ROBO2: variants seen among roughly 807,000 people sequenced by gnomAD.
ROBO2 encodes the protein roundabout guidance receptor 2.
A neutral mutation model predicts 160.8 loss-of-function variants in ROBO2; 53 were observed. That is an observed-to-expected ratio of 0.33 (90% CI 0.26 to 0.41). The LOEUF (loss-of-function observed/expected upper bound fraction) is 0.41. ROBO2 is among the 10% of genes least tolerant of loss of function. The pLI, the probability that ROBO2 is intolerant of heterozygous loss-of-function variation, is 1.00. For synonymous variants in ROBO2, 664 were observed against 611.7 expected (o/e 1.09, Z -1.26); for missense variants, 1,577 against 1,722.4 (o/e 0.92, Z 1.49).
chr3:77,246,489 C>A (rs2089745374), intron 2 of ROBO2, among the ~76,000 whole-genome samples: 1 of 152,038 alleles, frequency 6.6e-6, no homozygotes, highest in Admixed American at 6.6e-5. Context: ...TATGGGAGAT[C>A]ACTTAGTGGT....
rs373805136 is a variant in ROBO2 at position 76,998,358 on chromosome 3, G to C, written c.110-99656G>C. On this transcript the variant is annotated intron_variant, in intron 2 of 26. Coordinates refer to the ROBO2 transcript ENST00000487694. Reference sequence around the variant, plus strand: ...AAAACATTAACCCAAGAAAGAGAGGGAGAAAGAGAGAAGTTGAAAGTACTT... The same window carrying C: ...AAAACATTAACCCAAGAAAGAGAGGCAGAAAGAGAGAAGTTGAAAGTACTT... 2.0e-5 allele frequency among the ~76,000 whole-genome samples: 3 copies of C among 152,068 alleles called. No homozygotes were observed. The East Asian group carries it at 5.8e-4, about 29-fold the overall frequency.
chr3:77,415,561 C>T (rs2077148306), intron 2 of ROBO2, among the ~76,000 whole-genome samples: 2 of 152,214 alleles, frequency 1.3e-5, no homozygotes, highest in African/African-American at 4.8e-5. Flanking sequence ...GCCCAGGCTT[C>T]ACTCGGCTCT....
At chr3:77,350,102 T>C (rs902227128) in intron 2 of ROBO2, among the ~76,000 whole-genome samples, 3 of 151,176 alleles carry the variant, frequency 2.0e-5, no homozygotes, top group Non-Finnish European at 4.4e-5. Context: ...CACATTCATA[T>C]ATATATAATA....
At chr3:76,557,600 G>A (rs1315925905) in intron 2 of ROBO2, among the ~76,000 whole-genome samples, 1 of 138,044 alleles carries the variant, frequency 7.2e-6, no homozygotes, top group Non-Finnish European at 1.6e-5. Flanking sequence ...TTTATAAAGG[G>A]TGCCTTTTTT....
intron 2 of ROBO2, among the ~76,000 whole-genome samples, chr3:77,312,883 A>G (rs1191963769): frequency 1.3e-5 from 2 of 152,174 alleles, no homozygotes; most frequent in African/African-American, 4.8e-5. Context: ...AAACTCAGAA[A>G]TCTTAATTAT....
At chr3:76,871,966 T>C (rs1274261436) in intron 2 of ROBO2, among the ~76,000 whole-genome samples, 2 of 152,242 alleles carry the variant, frequency 1.3e-5, no homozygotes, top group Non-Finnish European at 2.9e-5. Context: ...TTTTTAAAAT[T>C]TTCTTTCATT....
intron 16 of ROBO2, among the ~76,000 whole-genome samples, 164 bp downstream of exon 17, chr3:77,580,282 C>T (rs1342260530): frequency 1.3e-5 from 2 of 152,044 alleles, no homozygotes; most frequent in African/African-American, 2.4e-5. Flanking sequence ...TACAAAAATA[C>T]TTGGTGCAAT....
At chr3:76,810,293 A>G (rs1053178584) in intron 2 of ROBO2, among the ~76,000 whole-genome samples, 2 of 152,158 alleles carry the variant, frequency 1.3e-5, no homozygotes, top group African/African-American at 2.4e-5. Context: ...AGGTCACACA[A>G]TCAGTCAGAG....
At chr3:76,838,565 T>G (rs1476459659) in intron 2 of ROBO2, among the ~76,000 whole-genome samples, 6 of 152,018 alleles carry the variant, frequency 3.9e-5, no homozygotes, top group African/African-American at 1.4e-4. Flanking sequence ...TTATGAGCAG[T>G]CAGTCCTTTC....
chr3:76,787,990 A>G (rs1458067270), intron 2 of ROBO2, among the ~76,000 whole-genome samples: 1 of 151,446 alleles, frequency 6.6e-6, no homozygotes, highest in Admixed American at 6.6e-5. Flanking sequence ...TAATGTTGAG[A>G]ACAGCTTAGA....
In ROBO2 at chr3:77,041,487, G is replaced by T. The variant is rs190441978; in HGVS notation, c.61+641G>T. ...AGTCCCCAGTGGGCAAACACAATGG[G>T]GACCTTAAACAGGTGCTGGAGGTGT... On this transcript the variant is annotated intron_variant, in intron 1 of 25. Transcript: ENST00000461745. Among the ~76,000 whole-genome samples the T allele has an allele frequency of 3.3e-5, 5 of 152,314 alleles. No individual in the cohort carries two copies. The South Asian group carries it at 1.0e-3, about 32-fold the overall frequency.
chr3:76,879,411 T>C (rs1056977175), intron 2 of ROBO2, among the ~76,000 whole-genome samples: 1 of 152,118 alleles, frequency 6.6e-6, no homozygotes, highest in African/African-American at 2.4e-5. Context: ...ATTTTGCTTA[T>C]CAAGGTGCTA....
At chr3:77,341,919 T>C (rs1368726132) in intron 2 of ROBO2, among the ~76,000 whole-genome samples, 1 of 151,950 alleles carries the variant, frequency 6.6e-6, no homozygotes, top group African/African-American at 2.4e-5. Flanking sequence ...CATTTGTAGT[T>C]TGAGAAAGAA....
At chr3:76,567,463 T>A (rs1000031615) in intron 2 of ROBO2, among the ~76,000 whole-genome samples, 2 of 151,384 alleles carry the variant, frequency 1.3e-5, no homozygotes, top group Admixed American at 6.6e-5. Context: ...TAGCTCAACA[T>A]ATTTTTTTCC....
At chr3:76,475,969 A>G (rs1006802958) in intron 2 of ROBO2, among the ~76,000 whole-genome samples, 11 of 152,158 alleles carry the variant, frequency 7.2e-5, no homozygotes, top group Non-Finnish European at 7.4e-5. Context: ...CCTGGCCAAC[A>G]TGGTGTAACC....
At chr3:76,184,989 C>T (rs1412887198) in intron 2 of ROBO2, among the ~76,000 whole-genome samples, 1 of 151,702 alleles carries the variant, frequency 6.6e-6, no homozygotes, top group Non-Finnish European at 1.5e-5. Flanking sequence ...GATTCATATG[C>T]TAGTCTCCTC....
chr3:75,938,551 A>G (rs1947898916), intron 2 of ROBO2, among the ~76,000 whole-genome samples: 8 of 152,092 alleles, frequency 5.3e-5, no homozygotes. Flanking sequence ...ATTTCAAGGG[A>G]TAGGTGTATT....
chr3:76,555,358 GAGA>G (rs58339602), intron 2 of ROBO2, among the ~76,000 whole-genome samples: 3,727 of 57,830 alleles, frequency 0.064, 173 homozygotes, highest in Middle Eastern at 0.11. Flanking sequence ...AGTAGGAAGA[GAGA>G]AGAAGAAGAA....
chr3:77,089,004 C>G (rs1487453783), intron 1 of ROBO2, among the ~76,000 whole-genome samples: 1 of 152,080 alleles, frequency 6.6e-6, no homozygotes, highest in Non-Finnish European at 1.5e-5. Context: ...GAGACTGTAG[C>G]AATTTACTCT....
Sources: gnomAD v4.1 joint callset for allele counts (sites outside exome capture counted in the v4.1 genomes callset) on GRCh38, gnomAD v4.1.1 for gene constraint, MANE v1.5 for transcripts, NCBI Gene and HGNC (gene_info 2026-07-23, HGNC 2026-07-21) for gene names.